Variants in CDC42BPA observed in about 807,000 individuals in gnomAD.
CDC42BPA encodes the protein CDC42 binding protein kinase alpha, also known as serine/threonine-protein kinase MRCK alpha.
In CDC42BPA, 80 loss-of-function variants were observed where a neutral mutation model predicts 223.5. That is an observed-to-expected ratio of 0.36 (90% confidence interval 0.30 to 0.43). CDC42BPA has a LOEUF of 0.43. CDC42BPA is among the 20% of genes least tolerant of loss of function. The pLI is 1.00. For synonymous variants in CDC42BPA, 694 were observed against 718.6 expected, an observed-to-expected ratio of 0.97 and a Z score of 0.55; for missense variants, 1,743 against 2,099.9, an observed-to-expected ratio of 0.83 and a Z score of 3.32.
intron 1 of CDC42BPA, among the ~76,000 whole-genome samples, chr1:227,276,334 A>G (rs1478228286): frequency 6.9e-6 from 1 of 145,524 alleles, no homozygotes; most frequent in Non-Finnish European, 1.5e-5. Context: ...GGAGGTGAGG[A>G]GCGTCTCTGC....
chr1:227,267,729 G>A (rs952676947), intron 1 of CDC42BPA, among the ~76,000 whole-genome samples: 4 of 152,318 alleles, frequency 2.6e-5, no homozygotes, highest in African/African-American at 9.6e-5. Flanking sequence ...AAGGCAGCAG[G>A]AGAGCAAGCA....
chr1:227,043,579 T>C (rs1671820760), intron 23 of CDC42BPA, among the ~76,000 whole-genome samples: 2 of 152,146 alleles, frequency 1.3e-5, no homozygotes, highest in African/African-American at 2.4e-5. Flanking sequence ...TAAGTTAATA[T>C]TTAATTCATA....
chr1:227,146,027 G>C (rs1205348349), intron 7 of CDC42BPA, among the ~76,000 whole-genome samples: 1 of 152,098 alleles, frequency 6.6e-6, no homozygotes, highest in Non-Finnish European at 1.5e-5. Flanking sequence ...TTACTTCAAA[G>C]TAGTGGAATT....
rs752037923 is a variant in CDC42BPA, at chr1:226,994,524, C to T, written c.5134-125G>A. On this transcript the variant is annotated intron_variant, in intron 36 of 36. Coordinates refer to ENST00000366766, the MANE Select transcript of CDC42BPA (RefSeq NM_001394014.1). This position sits in a 1 kb window ranked among gnomAD's most constrained non-coding sequence, Gnocchi z 4.0. ...TAACCCCATGGGGCGGCCTCACTGTCGGTATAAAGCCCCTTCTATGAGCTG... is the reference window on the plus strand; with the variant it reads ...TAACCCCATGGGGCGGCCTCACTGTTGGTATAAAGCCCCTTCTATGAGCTG... 3.6e-5 allele frequency: 40 copies of T among 1,124,748 alleles called. No individual in the cohort carries two copies. The Admixed American group carries it at 5.8e-4, about 16-fold the overall frequency. The allele number at this position is 1,124,748 out of a possible 1,614,324, so 69.7% of individuals were successfully genotyped here.
intron 15 of CDC42BPA, among the ~76,000 whole-genome samples, chr1:227,095,811 C>T (rs956819001): frequency 1.3e-5 from 2 of 152,012 alleles, no homozygotes; most frequent in Non-Finnish European, 2.9e-5. Flanking sequence ...AGGCTGGTCT[C>T]GAACTCCTGA....
intron 21 of CDC42BPA, chr1:227,059,322 A>G: frequency 6.8e-7 from 1 of 1,472,186 alleles, no homozygotes; most frequent in Non-Finnish European, 9.3e-7. Flanking sequence ...AAAGGATGAG[A>G]GAGGGGTAAA....
chr1:227,001,384 C>A (rs1041602382), intron 35 of CDC42BPA, among the ~76,000 whole-genome samples: 1 of 152,162 alleles, frequency 6.6e-6, no homozygotes, highest in East Asian at 1.9e-4. Flanking sequence ...TCAATGAATG[C>A]GTTAAGGGCC....
intron 1 of CDC42BPA, among the ~76,000 whole-genome samples, chr1:227,278,666 C>T (rs1005837932): frequency 9.9e-5 from 15 of 152,042 alleles, no homozygotes; most frequent in Admixed American, 9.2e-4. Flanking sequence ...TCCCTAATTG[C>T]GTTTTGGGGT....
chr1:227,308,522 A>AAAC lies in CDC42BPA; in HGVS notation c.178+8482_178+8483insGTT, dbSNP rs1219557067. On this transcript the variant is annotated intron_variant, in intron 1 of 36. Coordinates refer to ENST00000366766, the MANE Select transcript of CDC42BPA (RefSeq NM_001394014.1). The stretch of plus-strand genomic sequence containing the variant: ...GAGACTGTATCTCAAAAAAAAAAAA[A>AAAC]AAAAAACAGAATGGGAAGCAAGCTG... Among the ~76,000 whole-genome samples, 4 of 151,602 alleles carry AAAC rather than the reference A, an allele frequency of 2.6e-5. No individual in the cohort carries two copies. The East Asian group carries it at 7.7e-4, about 29-fold the overall frequency.
At chr1:227,186,511 A>G (rs1463215137) in intron 5 of CDC42BPA, among the ~76,000 whole-genome samples, 1 of 152,152 alleles carries the variant, frequency 6.6e-6, no homozygotes, top group Admixed American at 6.5e-5. Context: ...GCAGGAAGGC[A>G]GGAAGGGAGG....
intron 1 of CDC42BPA, among the ~76,000 whole-genome samples, chr1:227,298,421 G>A (rs536200784): frequency 1.3e-5 from 2 of 152,008 alleles, no homozygotes; most frequent in South Asian, 4.2e-4. Context: ...GGCTAAACAT[G>A]TATATAAACA....
At chr1:227,249,985 A>T (rs528352116) in intron 2 of CDC42BPA, among the ~76,000 whole-genome samples, 1 of 152,336 alleles carries the variant, frequency 6.6e-6, no homozygotes, top group South Asian at 2.1e-4. Context: ...AGGACCAATA[A>T]TAATTTAGTT....
At chr1:227,015,396 C>G (rs996437701) in intron 34 of CDC42BPA, among the ~76,000 whole-genome samples, 1 of 151,684 alleles carries the variant, frequency 6.6e-6, no homozygotes, top group Non-Finnish European at 1.5e-5. Flanking sequence ...GCACTCCAGC[C>G]TGGGTGATAG....
At chr1:227,052,991 G>T (rs748080342) in intron 21 of CDC42BPA, among the ~76,000 whole-genome samples, 1 of 152,078 alleles carries the variant, frequency 6.6e-6, no homozygotes, top group Admixed American at 6.6e-5. Flanking sequence ...CACTTTGAAT[G>T]AATGATAAAT....
At chr1:227,089,627 G>GTTTTTTTT (rs72110440) in intron 16 of CDC42BPA, among the ~76,000 whole-genome samples, 1 of 116,716 alleles carries the variant, frequency 8.6e-6, no homozygotes, top group East Asian at 2.5e-4. Flanking sequence ...GGGTAATTCC[G>GTTTTTTTT]TTTTTTTTTT....
intron 2 of CDC42BPA, among the ~76,000 whole-genome samples, chr1:227,220,674 G>C (rs192420444): frequency 7.4e-6 from 1 of 134,308 alleles, no homozygotes; most frequent in Admixed American, 7.7e-5. Context: ...ATGTTTTTGC[G>C]CTTCATACCT....
intron 34 of CDC42BPA, among the ~76,000 whole-genome samples, chr1:227,006,575 G>T (rs1181074859): frequency 6.6e-6 from 1 of 152,092 alleles, no homozygotes; most frequent in African/African-American, 2.4e-5. Context: ...CTTTCCTCAT[G>T]AGTATGAGTA....
rs149839514 is a variant in CDC42BPA, at chr1:226,993,346, A to T, written c.*922T>A. 24 of 152,318 alleles carry T rather than the reference A, an allele frequency of 1.6e-4. No individual in the cohort carries two copies. The highest frequency in any genetic ancestry group is 5.8e-4 in the African/African-American group (24 of 41,566). 9.4% of individuals were successfully genotyped at this position (152,318 alleles called of 1,614,324 possible). ...AAAAAGTGAGAAGTGTTCAAATTCC[A>T]CCACTAGGAAAAGAAACATCTTGGG... On this transcript the variant is annotated 3_prime_UTR_variant, in exon 37 of 37. Transcript: ENST00000366766.
At chr1:227,249,964 T>C (rs1485229260) in intron 2 of CDC42BPA, among the ~76,000 whole-genome samples, 5 of 152,316 alleles carry the variant, frequency 3.3e-5, no homozygotes, top group East Asian at 3.9e-4. Flanking sequence ...ACTGGATTTT[T>C]TGTAACACAA....
Sources: gnomAD v4.1 joint callset for allele counts (sites outside exome capture counted in the v4.1 genomes callset) on GRCh38, gnomAD v4.1.1 for gene constraint, Gnocchi (gnomAD v3.1) non-coding constraint, MANE v1.5 for transcripts, NCBI Gene and HGNC (gene_info 2026-07-23, HGNC 2026-07-21) for gene names.